The following COL2A1 variants were observed in gnomAD, a reference collection of about 807,000 sequenced individuals.
The protein encoded by COL2A1 is collagen alpha-1(II) chain.
In COL2A1, 28 loss-of-function variants were observed where a neutral mutation model predicts 204.5. The observed-to-expected ratio is 0.14, with a 90% CI of 0.10 to 0.19. The LOEUF (loss-of-function observed/expected upper bound fraction) is 0.19. COL2A1 is among the 10% of genes least tolerant of loss of function. The pLI is 1.00. For synonymous variants in COL2A1, 708 were observed against 718.7 expected (o/e 0.99, Z 0.24); for missense variants, 1,388 against 2,027.5 (o/e 0.68, Z 6.06).
At chr12:47,993,635 G>T in intron 14 of COL2A1, 133 bp from the exon 15 acceptor site, 7 of 1,083,176 alleles carry the variant, frequency 6.5e-6, no homozygotes, top group Non-Finnish European at 9.9e-6. Context: ...GAGGGACAAT[G>T]CCCTGAGCTC....
At chr12:48,001,291 T>C (rs909483526) in intron 1 of COL2A1, among the ~76,000 whole-genome samples, 3 of 152,262 alleles carry the variant, frequency 2.0e-5, no homozygotes, top group African/African-American at 7.2e-5. Context: ...CACTGCTCTT[T>C]AAAGAGAGTG....
At chr12:47,984,829 A>AT (rs1939301545) in intron 27 of COL2A1, among the ~76,000 whole-genome samples, 166 bp downstream of exon 27, 2 of 152,084 alleles carry the variant, frequency 1.3e-5, no homozygotes, top group African/African-American at 4.8e-5. Flanking sequence ...GGGGCCATGG[A>AT]TTTTCCCCAA....
At chr12:47,983,360 C>T in intron 31 of COL2A1, 25 bp downstream of exon 31, 1 of 1,612,328 alleles carries the variant, frequency 6.2e-7, no homozygotes, top group Non-Finnish European at 8.5e-7. Flanking sequence ...AAACAGGTTG[C>T]AGGTCCAAAG....
chr12:47,986,916 C>A, intron 21 of COL2A1, 28 bp from the exon 22 acceptor site: 1 of 1,613,946 alleles, frequency 6.2e-7, no homozygotes, highest in Non-Finnish European at 8.5e-7. Context: ...GTCCTCACAC[C>A]AGATTCTCTC....
chr12:47,986,549 G>T (rs1043516450), intron 22 of COL2A1, 106 bp from the exon 23 acceptor site: 17 of 682,534 alleles, frequency 2.5e-5, no homozygotes, highest in South Asian at 3.3e-5. Flanking sequence ...TTTCAGGGCT[G>T]GGGGGGGGCT....
Position 47,978,832 on chromosome 12 carries a change from C to T in COL2A1, c.2734-74G>A, listed in dbSNP as rs1938880556. On this transcript the variant is annotated intron_variant, in intron 41 of 53. Transcript: ENST00000380518. This position sits in a 1 kb window ranked among gnomAD's most constrained non-coding sequence, Gnocchi z 5.5. ...TCCAGGCTGCCAAAGTCACTGTGGC[C>T]TCAGTGACAGCAGTTTCCTCTCTGG... is the stretch of plus-strand genomic sequence containing the variant. 1 of 1,527,672 alleles carries T rather than the reference C, an allele frequency of 6.5e-7. No individual in the cohort carries two copies. Among genetic ancestry groups the T allele is most frequent in the Non-Finnish European group, 9.0e-7 (1 of 1,106,580 alleles). 94.6% of individuals were successfully genotyped at this position (1,527,672 alleles called of 1,614,324 possible).
chr12:47,978,892 G>T lies in COL2A1; in HGVS notation c.2734-134C>A. The T allele has an allele frequency of 1.1e-6, 1 of 909,890 alleles. No individual in the cohort carries two copies. The highest frequency in any genetic ancestry group is 2.6e-5 in the East Asian group (1 of 38,064). 56.4% of individuals were successfully genotyped at this position (909,890 alleles called of 1,614,324 possible). A position where few individuals can be genotyped will look rare whatever the true frequency, so the allele number is the denominator to read the frequency against. On this transcript the variant is annotated intron_variant, in intron 41 of 53. Transcript: ENST00000380518. The surrounding 1 kb of genome is among the most constrained non-coding windows in gnomAD (Gnocchi z 5.5). ...TACCTCCCCACACTAAGGGCAGGCA[G>T]CTTAACCCCCCCAACCCCAATCTAC...
At chr12:47,981,077 G>C (rs550872467) in intron 37 of COL2A1, 109 bp from the exon 38 acceptor site, 7 of 1,195,378 alleles carry the variant, frequency 5.9e-6, no homozygotes, top group South Asian at 1.5e-5. Context: ...CCCCAGAGAC[G>C]GGGATCTGAA....
At chr12:47,999,855 G>T in intron 2 of COL2A1, 64 bp downstream of exon 2, 1 of 1,397,620 alleles carries the variant, frequency 7.2e-7, no homozygotes, top group South Asian at 1.2e-5. Flanking sequence ...GCATCTATGG[G>T]AGCGTGTTTG....
Position 47,973,460 on chromosome 12 carries a change from C to G in COL2A1, c.4411G>C (p.Gly1471Arg), listed in dbSNP as rs1281892244. 6.2e-7 allele frequency: 1 copy of G among 1,614,104 alleles called. No individual in the cohort carries two copies. ...ACACCGAATTCCTGCTCGGGCCCTC[C>G]TATGTCCATGGGTGCAATGTCAATG... ...PIIDIAPMDI[G>R]GPEQEFGVDI... The change falls in exon 54 of 54, where the codon GGA becomes CGA. Residue 1471 changes from glycine (G) to arginine (R), a missense_variant. By Grantham distance (125) the Gly-to-Arg change is moderately radical. Around this residue, in one of 3 missense-constraint regions of COL2A1, gnomAD observed 303 missense variants for 369.2 expected, o/e 0.82. Transcript: ENST00000380518.
intron 50 of COL2A1, 87 bp from the exon 51 acceptor site, chr12:47,975,692 T>C: frequency 2.1e-6 from 3 of 1,441,414 alleles, no homozygotes; most frequent in Non-Finnish European, 2.8e-6. Context: ...TACTAGAGTG[T>C]CCCTCTTCCC....
At chr12:47,998,714 T>A (rs985771084) in intron 2 of COL2A1, 3 of 438,972 alleles carry the variant, frequency 6.8e-6, no homozygotes, top group Non-Finnish European at 1.2e-5. Flanking sequence ...AAAAAGGCAA[T>A]GAAGAGCTCA....
rs768110640 is a variant in COL2A1, at chr12:47,986,365, C to T, written c.1498G>A (p.Val500Ile). ...KRGARGEPGG[V>I]GPIGPPGERG... The stretch of plus-strand genomic sequence containing the variant: ...TCTCCAGGGGGACCGATGGGCCCAA[C>T]GCCACCAGGCTCTCCACGGGCACCT... The change falls in exon 23 of 54, where the codon GTT becomes ATT. Residue 500 changes from valine to isoleucine, a missense_variant. This residue lies in a region of COL2A1 where 884 missense variants were observed against 1,415.8 expected (regional missense o/e 0.62). Coordinates refer to ENST00000380518, the MANE Select transcript of COL2A1 (RefSeq NM_001844.5). The T allele has an allele frequency of 3.2e-5, 50 of 1,569,144 alleles. No individual in the cohort carries two copies. Among genetic ancestry groups the T allele is most frequent in the Middle Eastern group, 1.7e-4 (1 of 6,002 alleles).
At position 47,997,607 on chromosome 12, in the gene COL2A1, C is replaced by T. The variant is rs764690054; in HGVS notation, c.530G>A (p.Gly177Glu). 2.5e-6 allele frequency: 4 copies of T among 1,613,852 alleles called. No homozygotes were observed. In the Admixed American group the frequency reaches 6.7e-5, roughly 27 times the overall value. Residue 177 changes from glycine (G) to glutamate (E), a missense_variant and splice_region_variant, in exon 7 of 54, where the codon GGA becomes GAA. Gly to Glu is a moderately conservative substitution (Grantham distance 98). Coordinates refer to ENST00000380518, the MANE Select transcript of COL2A1 (RefSeq NM_001844.5). ...GGAATGGGAAGTAAGGATACTTACT[C>T]CACCAAGACCAGGGGGACCAGGGGG... The part of the protein sequence containing the change: ...PGPPGPPGLG[G>E]NFAAQMAGGF...
At position 47,993,831 on chromosome 12, in the gene COL2A1, T is replaced by G. The variant is rs766401230; in HGVS notation, c.902A>C (p.Glu301Ala). Residue 301 changes from glutamate (E) to alanine (A), a missense_variant, in exon 14 of 54, where the codon GAG becomes GCG. Physicochemically the swap from Glu to Ala is moderately radical, Grantham distance 107. Transcript: ENST00000380518. ...GYPGLDGAKG[E>A]AGAPGVKGES... is the part of the protein sequence containing the mutation. ...CACCTTCACACCAGGAGCACCCGCC[T>G]CTCCCTTAGCACCGTCCAGGCCTGG... 1 of 1,614,026 alleles carries G rather than the reference T, an allele frequency of 6.2e-7. No individual in the cohort carries two copies.
At chr12:47,975,885 G>T in intron 50 of COL2A1, 78 bp downstream of exon 50, 1 of 1,091,772 alleles carries the variant, frequency 9.2e-7, no homozygotes, top group Non-Finnish European at 1.4e-6. Context: ...CCCTAAAAGA[G>T]GCCCTGAGCA....
Position 48,000,085 on chromosome 12 carries a change from A to G in COL2A1, c.126T>C (p.Asn42=). The stretch of plus-strand genomic sequence containing the variant: ...GCTCCGGCTTCCACACATCCTTATC[A>G]TTATACCTCTGCCCATCCTGCACAC... ...GSCVQDGQRY[N]DKDVWKPEPC... The change falls in exon 2 of 54, where the codon AAT becomes AAC. Residue 42 remains asparagine (N), a synonymous_variant. Coordinates refer to ENST00000380518, the MANE Select transcript of COL2A1 (RefSeq NM_001844.5). 2 of 1,613,466 alleles carry G rather than the reference A, an allele frequency of 1.2e-6. No homozygotes were observed. Among genetic ancestry groups the G allele is most frequent in the Non-Finnish European group, 1.7e-6 (2 of 1,179,964 alleles).
At chr12:47,985,634 G>A in intron 25 of COL2A1, 47 bp from the exon 26 acceptor site, 1 of 1,611,376 alleles carries the variant, frequency 6.2e-7, no homozygotes, top group African/African-American at 1.3e-5. Flanking sequence ...CCGGCCCCAG[G>A]ACCTCCCAAT....
At position 48,004,284 on chromosome 12, in the gene COL2A1, A is replaced by C. The variant is rs1162410146; in HGVS notation, c.38T>G (p.Leu13Arg). Residue 13 changes from leucine (L) to arginine (R), a missense_variant, in exon 1 of 54, where the codon CTG becomes CGG. This residue lies in a region of COL2A1 where 201 missense variants were observed against 242.4 expected (regional missense o/e 0.83). Coordinates refer to ENST00000380518, the MANE Select transcript of COL2A1 (RefSeq NM_001844.5). The stretch of plus-strand genomic sequence containing the variant: ...AAGGACAGCGGCGACGAGCAGCGTC[A>C]GCAGCACCAGCGTCTGGGGAGCCCC... ...RLGAPQTLVL[L>R]TLLVAAVLRC... is the part of the protein sequence containing the mutation. The C allele has an allele frequency of 1.3e-6, 2 of 1,550,278 alleles. No homozygotes were observed.
Sources: gnomAD v4.1 joint callset for allele counts (sites outside exome capture counted in the v4.1 genomes callset) on GRCh38, gnomAD v4.1.1 for gene constraint, gnomAD v4.1.1 regional missense constraint, Gnocchi (gnomAD v3.1) non-coding constraint, MANE v1.5 for transcripts, NCBI Gene and HGNC (gene_info 2026-07-23, HGNC 2026-07-21) for gene names.